PRLR: variants seen among roughly 807,000 people sequenced by gnomAD.
PRLR encodes prolactin receptor.
A neutral mutation model predicts 40.2 loss-of-function variants in PRLR; 13 were observed. The observed-to-expected ratio is 0.32, with a 90% CI of 0.21 to 0.51. The LOEUF is 0.51. Ranked by LOEUF, PRLR falls within the 20% of genes least tolerant of loss-of-function variation. PRLR has a pLI of 0.97. For missense variants in PRLR, 656 were observed against 747.3 expected (o/e 0.88, Z 1.42); for synonymous variants, 269 against 278.7 (o/e 0.97, Z 0.35).
intron 1 of PRLR, among the ~76,000 whole-genome samples, chr5:35,172,817 T>C (rs913838387): frequency 6.6e-6 from 1 of 152,200 alleles, no homozygotes; most frequent in African/African-American, 2.4e-5. Flanking sequence ...TCTGGGGTTA[T>C]AGAGGGGACT....
At chr5:35,088,009 CAG>C (rs754742038) in intron 3 of PRLR, among the ~76,000 whole-genome samples, 4 of 152,180 alleles carry the variant, frequency 2.6e-5, no homozygotes, top group African/African-American at 4.8e-5. Context: ...GCTCCAAGGC[CAG>C]AGTTTCTAGC....
At chr5:35,145,722 C>T (rs1774165648) in intron 1 of PRLR, among the ~76,000 whole-genome samples, 1 of 152,184 alleles carries the variant, frequency 6.6e-6, no homozygotes, top group Non-Finnish European at 1.5e-5. Context: ...TCATGTCAGG[C>T]CCTCAACAAA....
chr5:35,085,555 G>A (rs187223251), intron 4 of PRLR, among the ~76,000 whole-genome samples: 28 of 152,262 alleles, frequency 1.8e-4, no homozygotes, highest in African/African-American at 6.0e-4. Context: ...TCTTGGATGA[G>A]CAATGTGCTA....
chr5:35,109,147 G>A (rs1045388883), intron 2 of PRLR, among the ~76,000 whole-genome samples: 26 of 152,316 alleles, frequency 1.7e-4, no homozygotes, highest in African/African-American at 6.3e-4. Flanking sequence ...ATGGTGCTGG[G>A]AAAACTGGCT....
At chr5:35,069,981 C>T (rs189160011) in intron 7 of PRLR, 143 bp downstream of exon 7, 23 of 947,140 alleles carry the variant, frequency 2.4e-5, no homozygotes, top group East Asian at 1.9e-4. Context: ...AAAATGTCTT[C>T]GTATTGGGCA....
chr5:35,114,092 G>T (rs1165403598), intron 2 of PRLR, among the ~76,000 whole-genome samples: 2 of 152,188 alleles, frequency 1.3e-5, no homozygotes, highest in East Asian at 1.9e-4. Context: ...GGGCTCGGTT[G>T]TCAGCTTGGA....
At chr5:35,149,381 C>T (rs1341375327) in intron 1 of PRLR, among the ~76,000 whole-genome samples, 1 of 152,072 alleles carries the variant, frequency 6.6e-6, no homozygotes, top group Non-Finnish European at 1.5e-5. Context: ...ATAGTTTTAG[C>T]AAATTAAAAC....
intron 1 of PRLR, among the ~76,000 whole-genome samples, chr5:35,169,751 C>T (rs537018936): frequency 2.2e-4 from 34 of 152,306 alleles, no homozygotes; most frequent in Admixed American, 7.2e-4. Context: ...TTGAATTATA[C>T]GACTTTTGGA....
At chr5:35,066,195 G>T in intron 9 of PRLR, 93 bp from the exon 10 acceptor site, 1 of 1,253,874 alleles carries the variant, frequency 8.0e-7, no homozygotes, top group Non-Finnish European at 1.1e-6. Flanking sequence ...ATTGCCACAA[G>T]CAGGTGGGAA....
chr5:35,176,147 TATC>T (rs1032022364), intron 1 of PRLR, among the ~76,000 whole-genome samples: 35 of 152,316 alleles, frequency 2.3e-4, no homozygotes, highest in Middle Eastern at 6.8e-3. Flanking sequence ...TGTCCCTTGT[TATC>T]ATCTATTTGT....
At chr5:35,075,993 AAACT>A (rs1038620386) in intron 5 of PRLR, among the ~76,000 whole-genome samples, 16 of 152,352 alleles carry the variant, frequency 1.1e-4, no homozygotes, top group African/African-American at 3.4e-4. Flanking sequence ...GTTAGAAGGA[AAACT>A]AACTAACAGA....
intron 1 of PRLR, among the ~76,000 whole-genome samples, chr5:35,142,262 T>C (rs1774048137): frequency 6.6e-6 from 1 of 152,152 alleles, no homozygotes; most frequent in Non-Finnish European, 1.5e-5. Context: ...ATCACAGAAT[T>C]GGGGCTTTCT....
Position 35,066,094 on chromosome 5 carries a change from C to T in PRLR, c.864G>A (p.Lys288=), listed in dbSNP as rs762473296. 1.2e-6 allele frequency: 2 copies of T among 1,612,678 alleles called. No homozygotes were observed. Among genetic ancestry groups the T allele is most frequent in the South Asian group, 2.2e-5 (2 of 90,976 alleles). The change falls in exon 10 of 10, where the codon AAG becomes AAA. Residue 288 remains lysine (K), a synonymous_variant. Transcript: ENST00000618457. ...GFDAHLLEKG[K]SEELLSALGC... Reference sequence around the variant, plus strand: ...CCAAGGCACTCAGTAGTTCTTCAGACTTGCCCTTCTATTAAAACACAGACA... The same window carrying T: ...CCAAGGCACTCAGTAGTTCTTCAGATTTGCCCTTCTATTAAAACACAGACA...
chr5:35,205,972 A>G (rs973186367), intron 1 of PRLR, among the ~76,000 whole-genome samples: 1 of 152,212 alleles, frequency 6.6e-6, no homozygotes, highest in African/African-American at 2.4e-5. Context: ...CATGAAAAAT[A>G]AGTAGCTTAG....
At chr5:35,080,941 A>G (rs779848328) in intron 5 of PRLR, among the ~76,000 whole-genome samples, 5 of 150,894 alleles carry the variant, frequency 3.3e-5, no homozygotes, top group Non-Finnish European at 7.4e-5. Context: ...TATCGCAAAG[A>G]CAGAAAACCA....
chr5:35,186,350 C>A (rs1775430969), intron 1 of PRLR, among the ~76,000 whole-genome samples: 2 of 152,144 alleles, frequency 1.3e-5, no homozygotes, highest in Non-Finnish European at 2.9e-5. Flanking sequence ...GTAACAAGTA[C>A]ACATTCCCTC....
chr5:35,075,068 G>A lies in PRLR; in HGVS notation c.374-2324C>T, dbSNP rs568198143. 1.0e-3 allele frequency among the ~76,000 whole-genome samples: 154 copies of A among 152,286 alleles called. 2 individuals are homozygous for A. Among genetic ancestry groups the A allele is most frequent in the African/African-American group, 3.6e-3 (148 of 41,560 alleles). On this transcript the variant is annotated intron_variant, in intron 5 of 9. Coordinates refer to ENST00000618457, the MANE Select transcript of PRLR (RefSeq NM_000949.7). ...AACTTTTAAAAATTTGCCATCCGTG[G>A]TCTGGTTCCAAGATGGCTGAATAGG...
intron 1 of PRLR, among the ~76,000 whole-genome samples, chr5:35,209,081 T>C (rs981565124): frequency 6.6e-6 from 1 of 152,084 alleles, no homozygotes; most frequent in Non-Finnish European, 1.5e-5. Context: ...AAAATATGTA[T>C]ACAATCTATT....
chr5:35,064,906 A>G lies in PRLR; in HGVS notation c.*183T>C. ...GTAAATCTACAAATCACAGTTAGGAAACATAATGATTTGTTCTGGAATCAG... is the reference window on the plus strand; with the variant it reads ...GTAAATCTACAAATCACAGTTAGGAGACATAATGATTTGTTCTGGAATCAG... On this transcript the variant is annotated 3_prime_UTR_variant, in exon 10 of 10. Coordinates refer to ENST00000618457, the MANE Select transcript of PRLR (RefSeq NM_000949.7). 1.5e-6 allele frequency: 1 copy of G among 652,784 alleles called. No homozygotes were observed. Among genetic ancestry groups the G allele is most frequent in the Non-Finnish European group, 2.6e-6 (1 of 391,164 alleles). The allele number at this position is 652,784 out of a possible 1,614,324, so 40.4% of individuals were successfully genotyped here. A position where few individuals can be genotyped will look rare whatever the true frequency, so the allele number is the denominator to read the frequency against.
Sources: allele counts gnomAD v4.1 joint callset (sites outside exome capture counted in the v4.1 genomes callset), GRCh38; gene constraint gnomAD v4.1.1; transcripts MANE v1.5; gene names NCBI Gene and HGNC (gene_info 2026-07-23, HGNC 2026-07-21).